The following GPR158 variants were observed in gnomAD, a reference collection of about 807,000 sequenced individuals.
GPR158 encodes metabotropic glycine receptor.
GPR158 carries 30 observed loss-of-function variants against 78.2 expected under a neutral mutation model. The observed-to-expected ratio is 0.38, with a 90% CI of 0.29 to 0.52. The LOEUF is 0.52. Ranked by LOEUF, GPR158 falls within the 20% of genes least tolerant of loss-of-function variation. The probability of loss-of-function intolerance (pLI) is 0.83; values close to 1 mark genes in which losing one functional copy is unlikely to be tolerated. For missense variants in GPR158, 1,463 were observed against 1,523.5 expected (o/e 0.96, Z 0.66); for synonymous variants, 581 against 591.1 (o/e 0.98, Z 0.25).
At chr10:25,537,766 T>A (rs1836519178) in intron 5 of GPR158, among the ~76,000 whole-genome samples, 1 of 152,038 alleles carries the variant, frequency 6.6e-6, no homozygotes, top group Non-Finnish European at 1.5e-5. Flanking sequence ...GCCATTCTCA[T>A]GATAGTGAGT....
intron 2 of GPR158, among the ~76,000 whole-genome samples, chr10:25,360,585 C>G (rs535121131): frequency 3.3e-5 from 5 of 152,080 alleles, no homozygotes; most frequent in Admixed American, 6.6e-5. Context: ...ATTTCTGAAG[C>G]CTCTGTTCTG....
Position 25,560,327 on chromosome 10 carries a change from G to A in GPR158, c.1514+9242G>A, listed in dbSNP as rs180869734. Among the ~76,000 whole-genome samples the A allele has an allele frequency of 3.7e-4, 57 of 152,260 alleles. 1 individual carries two copies. In the South Asian group the frequency reaches 7.3e-3, roughly 19 times the overall value. On this transcript the variant is annotated intron_variant, in intron 6 of 10. Coordinates refer to ENST00000376351, the MANE Select transcript of GPR158 (RefSeq NM_020752.3). ...GTCACCCAGGCTGGAGTGTAGTGGC[G>A]TGATCTCGGCTCACTGCAAGCTCCG... is the stretch of plus-strand genomic sequence containing the variant.
chr10:25,405,161 G>T (rs948404581), intron 3 of GPR158, among the ~76,000 whole-genome samples: 1 of 151,894 alleles, frequency 6.6e-6, no homozygotes, highest in Admixed American at 6.6e-5. Flanking sequence ...ATAGATGAAC[G>T]ATAACATTGG....
At chr10:25,319,237 G>C (rs1302323271) in intron 2 of GPR158, among the ~76,000 whole-genome samples, 1 of 152,092 alleles carries the variant, frequency 6.6e-6, no homozygotes, top group East Asian at 1.9e-4. Context: ...CTCTAATCTA[G>C]AGTAGTTACC....
intron 4 of GPR158, among the ~76,000 whole-genome samples, chr10:25,423,502 C>T (rs1271110926): frequency 6.6e-6 from 1 of 151,826 alleles, no homozygotes; most frequent in Non-Finnish European, 1.5e-5. Flanking sequence ...TTCATCATTA[C>T]ATTAGGTATT....
intron 6 of GPR158, among the ~76,000 whole-genome samples, chr10:25,560,701 T>C (rs1486364736): frequency 1.3e-5 from 2 of 152,386 alleles, no homozygotes; most frequent in African/African-American, 4.8e-5. Flanking sequence ...GGGAAGTTCA[T>C]ATTTACAAAG....
intron 1 of GPR158, among the ~76,000 whole-genome samples, chr10:25,182,596 G>A (rs1301952382): frequency 6.6e-6 from 1 of 152,204 alleles, no homozygotes; most frequent in Non-Finnish European, 1.5e-5. Context: ...GCTCTCACCA[G>A]ACTGATTTTC....
chr10:25,458,199 A>G (rs1349182835), intron 4 of GPR158, among the ~76,000 whole-genome samples: 1 of 152,190 alleles, frequency 6.6e-6, no homozygotes, highest in Non-Finnish European at 1.5e-5. Flanking sequence ...GGGCTTTCTT[A>G]TGAAGTCTTA....
chr10:25,467,496 G>T (rs1195519704), intron 5 of GPR158, among the ~76,000 whole-genome samples: 1 of 152,148 alleles, frequency 6.6e-6, no homozygotes, highest in African/African-American at 2.4e-5. Flanking sequence ...ACATGTTCTA[G>T]GGTAAAAATA....
At chr10:25,352,633 A>C (rs183102296) in intron 2 of GPR158, among the ~76,000 whole-genome samples, 1,720 of 152,176 alleles carry the variant, frequency 0.011, 8 homozygotes, top group Non-Finnish European at 0.016. Flanking sequence ...ATGTTTTATA[A>C]GCCTACCCTG....
intron 5 of GPR158, among the ~76,000 whole-genome samples, chr10:25,498,249 C>T (rs1282012753): frequency 6.6e-5 from 10 of 152,140 alleles, no homozygotes; most frequent in South Asian, 2.1e-4. Context: ...ACCACTATCC[C>T]GACTTCTTTC....
chr10:25,596,384 G>C (rs1308546307), intron 9 of GPR158, among the ~76,000 whole-genome samples: 1 of 152,010 alleles, frequency 6.6e-6, no homozygotes, highest in African/African-American at 2.4e-5. Context: ...GCTTCAGCTC[G>C]GGAGTTTGAG....
chr10:25,182,552 A>G (rs759247105), intron 1 of GPR158, among the ~76,000 whole-genome samples: 13 of 152,222 alleles, frequency 8.5e-5, no homozygotes, highest in Non-Finnish European at 8.8e-5. Flanking sequence ...ATAAATTACA[A>G]GAGTTATGCT....
At position 25,286,048 on chromosome 10, in the gene GPR158, C is replaced by T. The variant is rs150694988; in HGVS notation, c.1008+64891C>T. On this transcript the variant is annotated intron_variant, in intron 2 of 10. Coordinates refer to ENST00000376351, the MANE Select transcript of GPR158 (RefSeq NM_020752.3). ...GTAATATTTCCTTTTTCTCTGGTGACGTTCAATATTTTTTCTTTATTTTTA... is the reference window on the plus strand; with the variant it reads ...GTAATATTTCCTTTTTCTCTGGTGATGTTCAATATTTTTTCTTTATTTTTA... Among the ~76,000 whole-genome samples the T allele has an allele frequency of 2.2e-4, 34 of 152,008 alleles. No homozygotes were observed. The East Asian group carries it at 3.9e-3, about 17-fold the overall frequency.
intron 1 of GPR158, among the ~76,000 whole-genome samples, chr10:25,199,293 T>A (rs1371300709): frequency 6.6e-6 from 1 of 152,082 alleles, no homozygotes; most frequent in African/African-American, 2.4e-5. Flanking sequence ...GATAGGTAGT[T>A]TTTCATTCCT....
At chr10:25,338,479 AATATACGTATAATATACGTAT>A (rs1564426242) in intron 2 of GPR158, among the ~76,000 whole-genome samples, 1 of 130,542 alleles carries the variant, frequency 7.7e-6, no homozygotes, top group Non-Finnish European at 1.6e-5. Context: ...TTATACGTAT[AATATACGTATAATATACGTAT>A]ATATATTACG....
chr10:25,228,806 C>G lies in GPR158; in HGVS notation c.1008+7649C>G, dbSNP rs186299016. On this transcript the variant is annotated intron_variant, in intron 2 of 10. Transcript: ENST00000376351. ...CAGCACTTTGGGAGGCCAAGGCAGA[C>G]GGATCACGAGGTCAGGAGATGGAAA... is the stretch of plus-strand genomic sequence containing the variant. 3.6e-3 allele frequency among the ~76,000 whole-genome samples: 540 copies of G among 151,962 alleles called. 4 individuals carry two copies. The highest frequency in any genetic ancestry group is 6.1e-3 in the Non-Finnish European group (413 of 67,968).
At chr10:25,496,834 T>A (rs1414181975) in intron 5 of GPR158, among the ~76,000 whole-genome samples, 1 of 152,196 alleles carries the variant, frequency 6.6e-6, no homozygotes, top group African/African-American at 2.4e-5. Flanking sequence ...CAAACCTTGT[T>A]GCAGTTGGGT....
At chr10:25,578,010 T>C in intron 7 of GPR158, among the ~76,000 whole-genome samples, 1 of 152,206 alleles carries the variant, frequency 6.6e-6, no homozygotes, top group East Asian at 1.9e-4. Context: ...AATGTGGATG[T>C]TCCAAGACAT....
Sources: gnomAD v4.1 joint callset for allele counts (sites outside exome capture counted in the v4.1 genomes callset) on GRCh38, gnomAD v4.1.1 for gene constraint, MANE v1.5 for transcripts, NCBI Gene and HGNC (gene_info 2026-07-23, HGNC 2026-07-21) for gene names.